The following DDX54 variants were observed in gnomAD, a reference collection of about 807,000 sequenced individuals.
The protein encoded by DDX54 is DEAD-box helicase 54.
Under a neutral mutation model 105.5 loss-of-function variants are expected in DDX54, and 67 were observed. That is an observed-to-expected ratio of 0.64 (90% CI 0.52 to 0.78). The LOEUF (loss-of-function observed/expected upper bound fraction) is 0.78. DDX54 is among the 30% of genes least tolerant of loss of function. DDX54 has a pLI of 0.00. For missense variants in DDX54, 1,206 were observed against 1,230.5 expected (o/e 0.98, Z 0.30); for synonymous variants, 514 against 509.9 (o/e 1.01, Z -0.11).
Position 113,175,087 on chromosome 12 carries a change from C to T in DDX54, c.823G>A (p.Val275Met). ...IARLPGGHQT[V>M]LFSATLPKLL... is the part of the protein sequence containing the mutation. ...TTGGGCAGCGTGGCGGAGAACAGCA[C>T]CGTCTGGTGGCCCCCGGGGAGGCGG... Residue 275 changes from valine (V) to methionine (M), a missense_variant, in exon 8 of 20, where the codon GTG (valine) becomes ATG (methionine). Physicochemically the swap from Val to Met is conservative, Grantham distance 21 (BLOSUM62 1). Around this residue, in one of 3 missense-constraint regions of DDX54, gnomAD observed 961 missense variants for 1,019.1 expected, o/e 0.94. Coordinates refer to ENST00000306014, the MANE Select transcript of DDX54 (RefSeq NM_024072.4). 6.2e-7 allele frequency: 1 copy of T among 1,613,962 alleles called. No homozygotes were observed. The highest frequency in any genetic ancestry group is 1.1e-5 in the South Asian group (1 of 91,074).
In DDX54 at chr12:113,176,921, G is replaced by A. The variant is rs1952410789; in HGVS notation, c.671C>T (p.Pro224Leu). 1 of 1,614,194 alleles carries A rather than the reference G, an allele frequency of 6.2e-7. No homozygotes were observed. The highest frequency in any genetic ancestry group is 2.2e-5 in the East Asian group (1 of 44,880). Residue 224 changes from proline to leucine, a missense_variant, in exon 7 of 20, where the codon CCC becomes CTC. This residue lies in a region of DDX54 where 961 missense variants were observed against 1,019.1 expected (regional missense o/e 0.94). Coordinates refer to ENST00000306014, the MANE Select transcript of DDX54 (RefSeq NM_024072.4). ...CACAGCCACATGCACCAACCGTCCG[G>A]GCGTGGCAATAATTCTGGAAGAGGG... is the stretch of plus-strand genomic sequence containing the variant. Reference protein sequence around the residue: ...HENPDIIIATPGRLVHVAVEM... With the variant: ...HENPDIIIATLGRLVHVAVEM...
intron 11 of DDX54, among the ~76,000 whole-genome samples, chr12:113,171,252 C>T (rs558796347): frequency 6.6e-5 from 10 of 152,070 alleles, no homozygotes; most frequent in Non-Finnish European, 1.3e-4. Flanking sequence ...CCAGGGGCTG[C>T]GGGAGGGGAA....
chr12:113,182,691 G>A (rs1274847680), intron 1 of DDX54, among the ~76,000 whole-genome samples: 1 of 151,768 alleles, frequency 6.6e-6, no homozygotes, highest in Non-Finnish European at 1.5e-5. Context: ...CCAACTAGCT[G>A]GGACTACAGG....
chr12:113,158,949 G>A lies in DDX54; in HGVS notation c.2574C>T (p.Val858=). ...CGAAGGCGCCCTGCTGCAGCTCCTG[G>A]ACGCGGCGGCGGTTGCGGGCAGAGA... The part of the protein sequence containing the change: ...KQLSARNRRR[V]QELQQGAFGR... The change falls in exon 20 of 20, where the codon GTC becomes GTT. Residue 858 remains valine (V), a synonymous_variant. Coordinates refer to ENST00000306014, the MANE Select transcript of DDX54 (RefSeq NM_024072.4). This position sits in a 1 kb window ranked among gnomAD's most constrained non-coding sequence, Gnocchi z 4.9. 6.2e-7 allele frequency: 1 copy of A among 1,611,562 alleles called. No homozygotes were observed. Among genetic ancestry groups the A allele is most frequent in the Non-Finnish European group, 8.5e-7 (1 of 1,178,762 alleles).
At chr12:113,162,862 C>A in intron 17 of DDX54, 70 bp downstream of exon 17, 2 of 1,446,900 alleles carry the variant, frequency 1.4e-6, no homozygotes, top group Non-Finnish European at 1.9e-6. Context: ...TCACTCACCC[C>A]AGGCACGGAG....
chr12:113,176,009 C>T (rs1468906553), intron 7 of DDX54, among the ~76,000 whole-genome samples: 1 of 150,952 alleles, frequency 6.6e-6, no homozygotes, highest in East Asian at 2.0e-4. Flanking sequence ...CCCCTCCCCA[C>T]TTCCCCCACA....
Position 113,157,759 on chromosome 12 carries a change from G to T in DDX54, c.*1118C>A. On this transcript the variant is annotated 3_prime_UTR_variant, in exon 20 of 20. Transcript: ENST00000306014. ...AGGGCCCACATTTCCAATGGGGTGT[G>T]GACTGAGTGGCTCTTCCTGAATCCG... 1 of 1,136,040 alleles carries T rather than the reference G, an allele frequency of 8.8e-7. No homozygotes were observed. The allele number at this position is 1,136,040 out of a possible 1,614,324, so 70.4% of individuals were successfully genotyped here. A position where few individuals can be genotyped will look rare whatever the true frequency, so the allele number is the denominator to read the frequency against.
At chr12:113,181,776 C>T (rs893266938) in intron 1 of DDX54, among the ~76,000 whole-genome samples, 3 of 152,092 alleles carry the variant, frequency 2.0e-5, no homozygotes, top group Non-Finnish European at 1.5e-5. Flanking sequence ...CCAGGACCCA[C>T]TTGTCCTGGC....
Position 113,175,089 on chromosome 12 carries a change from G to A in DDX54, c.821C>T (p.Thr274Met), listed in dbSNP as rs767431337. Residue 274 changes from threonine to methionine, a missense_variant, in exon 8 of 20, where the codon ACG becomes ATG. Physicochemically the swap from Thr to Met is moderately conservative, Grantham distance 81. Transcript: ENST00000306014. ...GGGCAGCGTGGCGGAGAACAGCACC[G>A]TCTGGTGGCCCCCGGGGAGGCGGGC... ...IIARLPGGHQTVLFSATLPKL... is the reference protein window; with the variant it reads ...IIARLPGGHQMVLFSATLPKL... 45 of 1,613,758 alleles carry A rather than the reference G, an allele frequency of 2.8e-5. No homozygotes were observed. Among genetic ancestry groups the A allele is most frequent in the South Asian group, 1.6e-4 (15 of 91,074 alleles).
chr12:113,181,319 G>A (rs534582909), intron 1 of DDX54, among the ~76,000 whole-genome samples: 41 of 150,866 alleles, frequency 2.7e-4, no homozygotes, highest in African/African-American at 9.7e-4. Context: ...AAGAGACAGG[G>A]TCTTACTCTG....
chr12:113,161,436 C>T, intron 18 of DDX54, 54 bp from the exon 19 acceptor site: 1 of 1,376,284 alleles, frequency 7.3e-7, no homozygotes, highest in Non-Finnish European at 1.0e-6. Context: ...GGAGAAGGCT[C>T]CTCCCCACAC....
chr12:113,181,068 A>T lies in DDX54; in HGVS notation c.175-10T>A. 6.2e-7 allele frequency: 1 copy of T among 1,609,238 alleles called. No homozygotes were observed. ...GTCTTCCAGGTCCCAGCTGGGAGGG[A>T]AGGACAGAGAGGTGGTGTCACTCCA... On this transcript the variant is annotated splice_polypyrimidine_tract_variant and intron_variant, in intron 1 of 19. Coordinates refer to ENST00000306014, the MANE Select transcript of DDX54 (RefSeq NM_024072.4).
intron 12 of DDX54, among the ~76,000 whole-genome samples, chr12:113,166,572 G>A (rs1952279038): frequency 1.3e-5 from 2 of 152,060 alleles, no homozygotes; most frequent in Non-Finnish European, 2.9e-5. Flanking sequence ...ATGGTGGTGT[G>A]CCCCTGTAGT....
rs2136320948 is a variant in DDX54 at position 113,172,501 on chromosome 12, G to A, written c.1131C>T (p.Arg377=). Residue 377 remains arginine, a synonymous_variant, in exon 11 of 20, where the codon CGC becomes CGT. Transcript: ENST00000306014. ...HIYSALDPTA[R]KINLAKFTLG... is the part of the protein sequence containing the mutation. The stretch of plus-strand genomic sequence containing the variant: ...GCGTGAATTTGGCGAGATTGATCTT[G>A]CGGGCTGTCGGGTCTAGGGCACTGT... The A allele has an allele frequency of 6.2e-7, 1 of 1,614,242 alleles. No individual in the cohort carries two copies. The highest frequency in any genetic ancestry group is 8.5e-7 in the Non-Finnish European group (1 of 1,180,054).
At position 113,163,217 on chromosome 12, in the gene DDX54, C is replaced by T; in HGVS notation, c.1996G>A (p.Ala666Thr). ...CGGGCCTCCTCCCTCCGCCTCTTGG[C>T]TCCCCTGTTGGGTCCTGACCGCTGC... ...KRQRSGPNRG[A>T]KRRREEARQR... The change falls in exon 16 of 20, where the codon GCC becomes ACC. Residue 666 changes from alanine (A) to threonine (T), a missense_variant. By Grantham distance (58) the Ala-to-Thr change is moderately conservative. This residue lies in a region of DDX54 where 961 missense variants were observed against 1,019.1 expected (regional missense o/e 0.94). Transcript: ENST00000306014. This position sits in a 1 kb window ranked among gnomAD's most constrained non-coding sequence, Gnocchi z 5.9. 5 of 1,612,026 alleles carry T rather than the reference C, an allele frequency of 3.1e-6. No individual in the cohort carries two copies. Among genetic ancestry groups the T allele is most frequent in the Non-Finnish European group, 4.2e-6 (5 of 1,180,000 alleles).
At position 113,164,195 on chromosome 12, in the gene DDX54, A is replaced by G; in HGVS notation, c.1810T>C (p.Phe604Leu). The G allele has an allele frequency of 6.4e-7, 1 of 1,574,116 alleles. No homozygotes were observed. Among genetic ancestry groups the G allele is most frequent in the South Asian group, 1.2e-5 (1 of 86,242 alleles). Residue 604 changes from phenylalanine (F) to leucine (L), a missense_variant, in exon 15 of 20, where the codon TTC becomes CTC. Physicochemically the swap from Phe to Leu is conservative, Grantham distance 22. Transcript: ENST00000306014. ...RQKDRKAIAR[F>L]QQGQQGRQEQ... Reference sequence around the variant, plus strand: ...TGCCGCCCCTGCTGTCCCTGCTGGAAGCGGGCGATGGCCTTGCGGTCCTTC... The same window carrying G: ...TGCCGCCCCTGCTGTCCCTGCTGGAGGCGGGCGATGGCCTTGCGGTCCTTC...
At chr12:113,161,643 A>T (rs987310754) in intron 18 of DDX54, among the ~76,000 whole-genome samples, 1 of 133,862 alleles carries the variant, frequency 7.5e-6, no homozygotes, top group African/African-American at 2.9e-5. Context: ...CACTTACTGG[A>T]GATGCTGCTG....
intron 11 of DDX54, among the ~76,000 whole-genome samples, chr12:113,171,075 A>G (rs1339286131): frequency 6.6e-6 from 1 of 152,226 alleles, no homozygotes; most frequent in African/African-American, 2.4e-5. Context: ...GTGAGGCACA[A>G]GAAATTCCCT....
At chr12:113,169,702 C>T in intron 12 of DDX54, 68 bp downstream of exon 12, 1 of 1,560,072 alleles carries the variant, frequency 6.4e-7, no homozygotes, top group Non-Finnish European at 8.7e-7. Flanking sequence ...AGCCCTACCT[C>T]CTCCCACAGC....
Sources: allele counts gnomAD v4.1 joint callset (sites outside exome capture counted in the v4.1 genomes callset), GRCh38; gene constraint gnomAD v4.1.1; regional missense constraint gnomAD v4.1.1; non-coding constraint Gnocchi (gnomAD v3.1); transcripts MANE v1.5; gene names NCBI Gene and HGNC (gene_info 2026-07-23, HGNC 2026-07-21).